Variants in GNAQ observed in about 807,000 individuals in gnomAD.
GNAQ encodes the protein guanine nucleotide-binding protein G(q) subunit alpha.
A neutral mutation model predicts 43.9 loss-of-function variants in GNAQ; 8 were observed. The ratio of observed to expected loss-of-function variants is 0.18; its 90% CI spans 0.11 to 0.33. GNAQ has a LOEUF of 0.33. Ranked by LOEUF, GNAQ falls within the 10% of genes least tolerant of loss-of-function variation. GNAQ has a pLI of 1.00. For synonymous variants in GNAQ, 155 were observed against 170.7 expected, an observed-to-expected ratio of 0.91 and a Z score of 0.71; for missense variants, 158 against 450.8, an observed-to-expected ratio of 0.35 and a Z score of 5.88.
chr9:77,977,177 C>G (rs13289225), intron 1 of GNAQ, among the ~76,000 whole-genome samples: 1 of 152,092 alleles, frequency 6.6e-6, no homozygotes, highest in South Asian at 2.1e-4. Context: ...ATAAAGCCTC[C>G]TAAGGCAGAG....
At chr9:77,809,032 C>T (rs1049783575) in intron 3 of GNAQ, among the ~76,000 whole-genome samples, 4 of 152,182 alleles carry the variant, frequency 2.6e-5, no homozygotes, top group African/African-American at 9.7e-5. Context: ...CCTAAGTTAG[C>T]TGGATGTGTT....
intron 3 of GNAQ, among the ~76,000 whole-genome samples, chr9:77,808,878 AC>A (rs576263813): frequency 5.1e-4 from 78 of 151,592 alleles, no homozygotes; most frequent in African/African-American, 1.6e-3. Flanking sequence ...AAAAAACAAA[AC>A]AAAACAAAAC....
intron 1 of GNAQ, among the ~76,000 whole-genome samples, chr9:77,966,314 T>A (rs1823166892): frequency 6.6e-6 from 1 of 152,192 alleles, no homozygotes. Context: ...TGCAGCTTAC[T>A]GAGTATCAAT....
intron 5 of GNAQ, among the ~76,000 whole-genome samples, chr9:77,771,651 A>G (rs1826224850): frequency 6.6e-6 from 1 of 152,160 alleles, no homozygotes; most frequent in Non-Finnish European, 1.5e-5. Flanking sequence ...GTCCCAGTGC[A>G]AAATAAAAAT....
At position 77,720,438 on chromosome 9, in the gene GNAQ, G is replaced by T. The variant is rs1477750747; in HGVS notation, c.*885C>A. ...AAAAATTAAGAACAACCTATAAAAA[G>T]GTTCTGGGTAGCAGCCATTAGGGTA... On this transcript the variant is annotated 3_prime_UTR_variant, in exon 7 of 7. Transcript: ENST00000286548. The T allele has an allele frequency of 4.3e-6, 1 of 233,424 alleles. No homozygotes were observed. Among genetic ancestry groups the T allele is most frequent in the Non-Finnish European group, 8.5e-6 (1 of 117,982 alleles). 14.5% of individuals were successfully genotyped at this position (233,424 alleles called of 1,614,324 possible). A position where few individuals can be genotyped will look rare whatever the true frequency, so the allele number is the denominator to read the frequency against.
intron 5 of GNAQ, among the ~76,000 whole-genome samples, chr9:77,753,785 T>C (rs1167815094): frequency 6.6e-6 from 1 of 152,160 alleles, no homozygotes; most frequent in Admixed American, 6.5e-5. Context: ...TTGTACAATA[T>C]GAATAACAGA....
At chr9:78,015,032 C>G (rs1045841880) in intron 1 of GNAQ, among the ~76,000 whole-genome samples, 3 of 151,956 alleles carry the variant, frequency 2.0e-5, no homozygotes, top group African/African-American at 7.2e-5. Context: ...ATGTCCTAGA[C>G]CCTCACATTC....
chr9:77,919,979 A>G (rs1364019007), intron 2 of GNAQ, among the ~76,000 whole-genome samples: 1 of 152,130 alleles, frequency 6.6e-6, no homozygotes, highest in Non-Finnish European at 1.5e-5. Flanking sequence ...TCTCTACTAA[A>G]AATATAAAAA....
At chr9:77,851,199 A>G (rs1156889066) in intron 2 of GNAQ, among the ~76,000 whole-genome samples, 2 of 152,220 alleles carry the variant, frequency 1.3e-5, no homozygotes, top group African/African-American at 4.8e-5. Flanking sequence ...ATAATTGTCT[A>G]GCTTACACAA....
chr9:77,884,324 C>A (rs1024706953), intron 2 of GNAQ, among the ~76,000 whole-genome samples: 2 of 152,210 alleles, frequency 1.3e-5, no homozygotes, highest in Non-Finnish European at 2.9e-5. Context: ...CCACTATGTG[C>A]CAGTTGTCTC....
chr9:77,983,161 G>A (rs1166308622), intron 1 of GNAQ, among the ~76,000 whole-genome samples: 1 of 152,150 alleles, frequency 6.6e-6, no homozygotes, highest in Non-Finnish European at 1.5e-5. Context: ...CATAGAAACT[G>A]GCACTTTGTT....
intron 1 of GNAQ, among the ~76,000 whole-genome samples, chr9:78,014,997 G>A (rs1183190183): frequency 2.0e-5 from 3 of 152,132 alleles, no homozygotes; most frequent in African/African-American, 7.2e-5. Context: ...CTACCAAGCT[G>A]CCAGTTGTAC....
chr9:77,744,649 T>C (rs1051777030), intron 5 of GNAQ, among the ~76,000 whole-genome samples: 1 of 152,154 alleles, frequency 6.6e-6, no homozygotes, highest in African/African-American at 2.4e-5. Flanking sequence ...TAGAGGATTA[T>C]GAAGAAAATT....
At chr9:77,763,141 C>CAAACA (rs1462515368) in intron 5 of GNAQ, among the ~76,000 whole-genome samples, 92 of 64,888 alleles carry the variant, frequency 1.4e-3, no homozygotes, top group Middle Eastern at 0.025. Context: ...AACAAACAAA[C>CAAACA]AAAAAAAAAA....
At chr9:77,770,576 G>A (rs140194401) in intron 5 of GNAQ, among the ~76,000 whole-genome samples, 93 of 152,338 alleles carry the variant, frequency 6.1e-4, no homozygotes, top group Middle Eastern at 3.4e-3. Flanking sequence ...CTACTTCTAT[G>A]TGAACTAGCA....
chr9:77,899,382 C>T (rs976155267), intron 2 of GNAQ, among the ~76,000 whole-genome samples: 5 of 152,008 alleles, frequency 3.3e-5, no homozygotes, highest in Admixed American at 3.3e-4. Context: ...CAGGCATGAG[C>T]TACTGTGTCC....
At chr9:77,791,698 T>C (rs1323030098) in intron 5 of GNAQ, among the ~76,000 whole-genome samples, 2 of 152,182 alleles carry the variant, frequency 1.3e-5, no homozygotes, top group South Asian at 2.1e-4. Flanking sequence ...AAAGCAATAA[T>C]CTAAAATGCT....
At chr9:77,912,344 T>C (rs1214604990) in intron 2 of GNAQ, among the ~76,000 whole-genome samples, 3 of 152,182 alleles carry the variant, frequency 2.0e-5, no homozygotes, top group Admixed American at 6.5e-5. Flanking sequence ...TAATTAGATA[T>C]CCAGATAAAA....
intron 1 of GNAQ, among the ~76,000 whole-genome samples, chr9:77,990,097 A>G (rs1196784381): frequency 6.6e-6 from 1 of 152,256 alleles, no homozygotes; most frequent in East Asian, 1.9e-4. Flanking sequence ...ATAAGCCCAT[A>G]GTATTCTTGA....
Sources: allele counts gnomAD v4.1 joint callset (sites outside exome capture counted in the v4.1 genomes callset), GRCh38; gene constraint gnomAD v4.1.1; transcripts MANE v1.5; gene names NCBI Gene and HGNC (gene_info 2026-07-23, HGNC 2026-07-21).